Variants in OTUD5 observed in about 807,000 individuals in gnomAD.
The protein encoded by OTUD5 is OTU deubiquitinase 5.
A neutral mutation model predicts 36.3 loss-of-function variants in OTUD5; 2 were observed. That is an observed-to-expected ratio of 0.06 (90% CI 0.02 to 0.17). The LOEUF (loss-of-function observed/expected upper bound fraction) is 0.17. Ranked by LOEUF, OTUD5 falls within the 10% of genes least tolerant of loss-of-function variation. The pLI is 1.00. For missense variants in OTUD5, 233 were observed against 512.3 expected, an observed-to-expected ratio of 0.45 and a Z score of 5.26; for synonymous variants, 234 against 214.9, an observed-to-expected ratio of 1.09 and a Z score of -0.78.
At chrX:48,930,297 C>T (rs1415661595) in intron 5 of OTUD5, among the ~76,000 whole-genome samples, 3 of 111,008 alleles carry the variant, frequency 2.7e-5, no homozygotes, top group South Asian at 3.8e-4. Flanking sequence ...TTCTGCTACG[C>T]GTGTATATGG....
At chrX:48,930,344 T>C (rs1189584143) in intron 5 of OTUD5, among the ~76,000 whole-genome samples, 1 of 111,831 alleles carries the variant, frequency 8.9e-6, no homozygotes, top group Admixed American at 9.5e-5. Context: ...TAGGAACCAG[T>C]GCATATACAT....
rs782752104 is a variant in OTUD5, at chrX:48,948,119, G to A, written c.595-3836C>T. Among the ~76,000 whole-genome samples, 18 of 112,744 alleles carry A rather than the reference G, an allele frequency of 1.6e-4. No individual in the cohort carries two copies. In the South Asian group the frequency reaches 1.8e-3, roughly 11 times the overall value. ...TCCCAGCACTTTGGGAGGCCAAGGC[G>A]GAAGGATCATCTGAGGTTAGGAGTT... On this transcript the variant is annotated intron_variant, in intron 1 of 8. Transcript: ENST00000376488.
rs1311204616 is a variant in OTUD5, at chrX:48,957,484, C to A, written c.87G>T (p.Ala29=). The A allele has an allele frequency of 1.5e-5, 13 of 848,636 alleles. No individual in the cohort carries two copies. Among genetic ancestry groups the A allele is most frequent in the Non-Finnish European group, 1.6e-5 (11 of 693,860 alleles). 69.9% of individuals were successfully genotyped at this position (848,636 alleles called of 1,213,427 possible). ...EPPPPGPMPP[A]PRRGGGVGVG... Reference sequence around the variant, plus strand: ...CGCCCACACCTCCGCCGCGCCGCGGCGCCGGGGGCATCGGCCCGGGCGGCG... The same window carrying A: ...CGCCCACACCTCCGCCGCGCCGCGGAGCCGGGGGCATCGGCCCGGGCGGCG... The change falls in exon 1 of 9, where the codon GCG becomes GCT. Residue 29 remains alanine, a synonymous_variant. Transcript: ENST00000376488.
At position 48,941,432 on chromosome X, in the gene OTUD5, C is replaced by CA. The variant is rs200040194; in HGVS notation, c.688+2757dup. 1.6e-3 allele frequency among the ~76,000 whole-genome samples: 50 copies of CA among 31,940 alleles called. 7 individuals are homozygous for CA. Among genetic ancestry groups the CA allele is most frequent in the African/African-American group, 6.8e-3 (47 of 6,940 alleles). 27.7% of individuals were successfully genotyped at this position (31,940 alleles called of 115,157 possible). On this transcript the variant is annotated intron_variant, in intron 2 of 8. Transcript: ENST00000376488. ...TGGGCGACAGAGGGAGACTCCATCT[C>CA]AAAAAAAAAAAAAAAAAAAAAAAAA...
In OTUD5 at chrX:48,923,670, G is replaced by A. The variant is rs782576837; in HGVS notation, c.1542C>T (p.Cys514=). 8.3e-7 allele frequency: 1 copy of A among 1,208,105 alleles called. No homozygotes were observed. Among genetic ancestry groups the A allele is most frequent in the Non-Finnish European group, 1.1e-6 (1 of 892,947 alleles). Residue 514 remains cysteine, a synonymous_variant, in exon 8 of 9, where the codon TGC becomes TGT. Coordinates refer to ENST00000376488, the MANE Select transcript of OTUD5 (RefSeq NM_001136157.2). Reference sequence around the variant, plus strand: ...GGGACATCTGCTGAATGAGGGCCCGGCACTCCAAAGCAGGGTAGAGGGACA... The same window carrying A: ...GGGACATCTGCTGAATGAGGGCCCGACACTCCAAAGCAGGGTAGAGGGACA... ...PLVSLYPALE[C]RALIQQMSPS... is the part of the protein sequence containing the mutation.
Position 48,935,008 on chromosome X carries a change from C to T in OTUD5, c.699G>A (p.Val233=), listed in dbSNP as rs372373174. 1.2e-5 allele frequency: 15 copies of T among 1,209,989 alleles called. No individual in the cohort carries two copies. Among genetic ancestry groups the T allele is most frequent in the Middle Eastern group, 4.9e-4 (2 of 4,044 alleles). Residue 233 remains valine, a synonymous_variant, in exon 3 of 9, where the codon GTG becomes GTA. Coordinates refer to ENST00000376488, the MANE Select transcript of OTUD5 (RefSeq NM_001136157.2). ...ACLFRAVADQ[V]YGDQDMHEVV... Reference sequence around the variant, plus strand: ...CCTCATGCATGTCCTGGTCTCCATACACCTGGTCAGCTGTGGGGGCAGAAG... The same window carrying T: ...CCTCATGCATGTCCTGGTCTCCATATACCTGGTCAGCTGTGGGGGCAGAAG...
chrX:48,947,364 G>A (rs1338597385), intron 1 of OTUD5, among the ~76,000 whole-genome samples: 2 of 109,424 alleles, frequency 1.8e-5, no homozygotes, highest in Non-Finnish European at 3.8e-5. Flanking sequence ...TAGCCTAGGC[G>A]ACAGAGTGAG....
upstream of OTUD5, chrX:48,957,937 T>A (rs2064286826): frequency 2.0e-6 from 1 of 501,219 alleles, no homozygotes; most frequent in African/African-American, 2.6e-5. Flanking sequence ...CCTCGCAGGT[T>A]CTTGCACTAC....
At chrX:48,954,319 G>A (rs1557054629) in intron 1 of OTUD5, among the ~76,000 whole-genome samples, 1 of 110,835 alleles carries the variant, frequency 9.0e-6, no homozygotes, top group African/African-American at 3.3e-5. Flanking sequence ...GCATAAGGAA[G>A]TGTTTTTGAG....
chrX:48,946,971 G>A (rs1451796437), intron 1 of OTUD5, among the ~76,000 whole-genome samples: 1 of 112,347 alleles, frequency 8.9e-6, no homozygotes, highest in Non-Finnish European at 1.9e-5. Flanking sequence ...AAATGAATCA[G>A]ACTTAGTCTC....
upstream of OTUD5, chrX:48,957,762 C>T: frequency 1.3e-6 from 1 of 790,197 alleles, no homozygotes; most frequent in Non-Finnish European, 1.5e-6. Flanking sequence ...TGGCGGCGCG[C>T]GGGTCACGCC....
chrX:48,932,890 G>A (rs1557049152), intron 5 of OTUD5, among the ~76,000 whole-genome samples: 1 of 111,067 alleles, frequency 9.0e-6, no homozygotes, highest in African/African-American at 3.3e-5. Flanking sequence ...GCTGAGGTGA[G>A]AGGCTTGCTT....
intron 1 of OTUD5, 64 bp downstream of exon 1, chrX:48,956,913 G>A (rs2147700541): frequency 3.8e-6 from 4 of 1,047,504 alleles, no homozygotes; most frequent in South Asian, 2.7e-5. Context: ...CCTTCCTTGA[G>A]TCCCTTCACA....
Position 48,923,910 on chromosome X carries a change from T to G in OTUD5, c.1406A>C (p.Lys469Thr), listed in dbSNP as rs782216347. The G allele has an allele frequency of 5.6e-5, 68 of 1,210,624 alleles. No individual in the cohort carries two copies. Among genetic ancestry groups the G allele is most frequent in the Non-Finnish European group, 7.3e-5 (65 of 895,218 alleles). Residue 469 changes from lysine (K) to threonine (T), a missense_variant, in exon 7 of 9, where the codon AAG (lysine) becomes ACG (threonine). Lys to Thr is a moderately conservative substitution (Grantham distance 78). Transcript: ENST00000376488. ...TAAAACAGTGCCTGGGGAAGGGGGCTTCATGCCCAATTCAGCATGCAGCTC... is the reference window on the plus strand; with the variant it reads ...TAAAACAGTGCCTGGGGAAGGGGGCGTCATGCCCAATTCAGCATGCAGCTC... ...HPELHAELGM[K>T]PPSPGTVLAL...
intron 1 of OTUD5, among the ~76,000 whole-genome samples, chrX:48,944,738 G>A (rs1428364635): frequency 8.9e-6 from 1 of 112,455 alleles, no homozygotes; most frequent in African/African-American, 3.2e-5. Flanking sequence ...AAGATATGCT[G>A]TAGGCCGGGC....
chrX:48,929,423 A>C (rs1449599168), intron 5 of OTUD5, among the ~76,000 whole-genome samples: 3 of 108,162 alleles, frequency 2.8e-5, no homozygotes, highest in Admixed American at 1.0e-4. Context: ...AAATAAAATA[A>C]AAATTAGGAG....
intron 1 of OTUD5, among the ~76,000 whole-genome samples, chrX:48,952,442 T>G (rs2064164124): frequency 8.9e-6 from 1 of 112,389 alleles, no homozygotes; most frequent in Non-Finnish European, 1.9e-5. Context: ...AACTGTACAC[T>G]TCAAAGAGGT....
intron 5 of OTUD5, among the ~76,000 whole-genome samples, chrX:48,932,922 G>T (rs1232860961): frequency 9.0e-6 from 1 of 111,013 alleles, no homozygotes; most frequent in Non-Finnish European, 1.9e-5. Context: ...GTGGAGGCTA[G>T]CTACAGTGAG....
chrX:48,942,650 T>C (rs1557051413), intron 2 of OTUD5, among the ~76,000 whole-genome samples: 1 of 108,096 alleles, frequency 9.3e-6, no homozygotes, highest in Non-Finnish European at 1.9e-5. Context: ...CCCAGTCCAA[T>C]AGAGCCCATT....
Sources: gnomAD v4.1 joint callset for allele counts (sites outside exome capture counted in the v4.1 genomes callset) on GRCh38, gnomAD v4.1.1 for gene constraint, MANE v1.5 for transcripts, NCBI Gene and HGNC (gene_info 2026-07-23, HGNC 2026-07-21) for gene names.